FAM171A1: variants seen among roughly 807,000 people sequenced by gnomAD.
The protein encoded by FAM171A1 is protein FAM171A1.
Under a neutral mutation model 74.9 loss-of-function variants are expected in FAM171A1, and 23 were observed. The ratio of observed to expected loss-of-function variants is 0.31; its 90% CI spans 0.22 to 0.44. The LOEUF (loss-of-function observed/expected upper bound fraction) is 0.44, where lower values mean the gene tolerates loss of function less well. Ranked by LOEUF, FAM171A1 falls within the 20% of genes least tolerant of loss-of-function variation. FAM171A1 has a pLI of 1.00. For synonymous variants in FAM171A1, 527 were observed against 505.7 expected (o/e 1.04, Z -0.57); for missense variants, 1,162 against 1,159.2 (o/e 1.00, Z -0.03).
chr10:15,305,664 TAAAAAAAAAAAAAA>T (rs59843893), intron 1 of FAM171A1, among the ~76,000 whole-genome samples: 1 of 52,940 alleles, frequency 1.9e-5, no homozygotes, highest in Non-Finnish European at 3.2e-5. Flanking sequence ...GAGATCTGGC[TAAAAAAAAAAAAAA>T]AAAAAAAAAA....
chr10:15,369,432 G>A (rs2131897172), intron 1 of FAM171A1, among the ~76,000 whole-genome samples: 1 of 152,170 alleles, frequency 6.6e-6, no homozygotes, highest in Admixed American at 6.5e-5. Flanking sequence ...ATGCAACACT[G>A]ATGATCTAAT....
chr10:15,307,462 T>C (rs1219023194), intron 1 of FAM171A1, among the ~76,000 whole-genome samples: 1 of 151,748 alleles, frequency 6.6e-6, no homozygotes, highest in Non-Finnish European at 1.5e-5. Flanking sequence ...CTGGCCAACA[T>C]GGTGAAACAT....
intron 3 of FAM171A1, among the ~76,000 whole-genome samples, chr10:15,260,771 G>A (rs1213411839): frequency 3.3e-5 from 5 of 151,998 alleles, no homozygotes; most frequent in Non-Finnish European, 7.4e-5. Context: ...CTTTGTTTGG[G>A]GGTGTCCCAT....
chr10:15,293,034 G>C (rs1010341454), intron 1 of FAM171A1, among the ~76,000 whole-genome samples: 1 of 152,104 alleles, frequency 6.6e-6, no homozygotes, highest in Non-Finnish European at 1.5e-5. Flanking sequence ...GCGTGACATT[G>C]ATTAATTATA....
At chr10:15,231,711 A>G (rs1834208869) in intron 5 of FAM171A1, among the ~76,000 whole-genome samples, 1 of 152,096 alleles carries the variant, frequency 6.6e-6, no homozygotes, top group Non-Finnish European at 1.5e-5. Context: ...TGCTTGAAGC[A>G]ACTTCTGAAA....
intron 5 of FAM171A1, among the ~76,000 whole-genome samples, chr10:15,242,145 T>C (rs958985851): frequency 2.6e-5 from 4 of 152,220 alleles, no homozygotes; most frequent in African/African-American, 9.6e-5. Flanking sequence ...TATTAAATTG[T>C]TTTATGTGCT....
chr10:15,234,088 C>T (rs1834248334), intron 5 of FAM171A1, among the ~76,000 whole-genome samples: 1 of 151,898 alleles, frequency 6.6e-6, no homozygotes, highest in Admixed American at 6.6e-5. Context: ...CGGGCCCTCT[C>T]CTAACATTTA....
At chr10:15,292,054 G>T (rs1370957529) in intron 1 of FAM171A1, among the ~76,000 whole-genome samples, 1 of 152,202 alleles carries the variant, frequency 6.6e-6, no homozygotes, top group Admixed American at 6.5e-5. Context: ...TAGCTGGTTA[G>T]TCCAAGGTTA....
rs1323131094 is a variant in FAM171A1, at chr10:15,211,875, T to C, written c.*1040A>G. 6.6e-6 allele frequency: 1 copy of C among 152,424 alleles called. No individual in the cohort carries two copies. The highest frequency in any genetic ancestry group is 2.4e-5 in the African/African-American group (1 of 41,356). 9.4% of individuals were successfully genotyped at this position (152,424 alleles called of 1,614,324 possible). On this transcript the variant is annotated 3_prime_UTR_variant, in exon 8 of 8. Coordinates refer to ENST00000378116, the MANE Select transcript of FAM171A1 (RefSeq NM_001010924.2). ...ATTCCAGAGTTAATACGTAACCGTA[T>C]ATACAAACAGCCAAAAAACCATAAT...
chr10:15,343,851 C>A (rs1334296106), intron 1 of FAM171A1, among the ~76,000 whole-genome samples: 1 of 152,182 alleles, frequency 6.6e-6, no homozygotes, highest in Admixed American at 6.5e-5. Context: ...GATAATGTCC[C>A]AGGCTTGGGC....
intron 5 of FAM171A1, among the ~76,000 whole-genome samples, chr10:15,223,428 C>G (rs1329017185): frequency 6.6e-6 from 1 of 152,206 alleles, no homozygotes; most frequent in African/African-American, 2.4e-5. Flanking sequence ...TGTTGAGTCA[C>G]TGCTTGTCAA....
intron 1 of FAM171A1, among the ~76,000 whole-genome samples, chr10:15,296,364 TATATC>T (rs1835161059): frequency 6.6e-6 from 1 of 152,162 alleles, no homozygotes; most frequent in African/African-American, 2.4e-5. Flanking sequence ...TATCTCATAA[TATATC>T]ATATACTTTA....
At chr10:15,244,488 T>C (rs758732673) in intron 5 of FAM171A1, among the ~76,000 whole-genome samples, 1 of 152,192 alleles carries the variant, frequency 6.6e-6, no homozygotes, top group Non-Finnish European at 1.5e-5. Context: ...CATTGCACTC[T>C]AGCCTGGGTG....
rs113438723 is a variant in FAM171A1 at position 15,249,014 on chromosome 10, C to G, written c.578-199G>C. Among the ~76,000 whole-genome samples, 1,096 of 151,990 alleles carry G rather than the reference C, an allele frequency of 7.2e-3. 10 individuals are homozygous for G. The highest frequency in any genetic ancestry group is 0.025 in the African/African-American group (1,048 of 41,474). On this transcript the variant is annotated intron_variant, in intron 4 of 7. Transcript: ENST00000378116. ...ATTTTTACACACAAAGAAACAGGCT[C>G]AGAGAGAGTAGTAATGGTAGGTGGC...
At chr10:15,326,543 AC>A in intron 1 of FAM171A1, among the ~76,000 whole-genome samples, 1 of 151,708 alleles carries the variant, frequency 6.6e-6, no homozygotes, top group South Asian at 2.1e-4. Context: ...CGAACTCCTG[AC>A]CTCAGGTGAT....
intron 1 of FAM171A1, among the ~76,000 whole-genome samples, chr10:15,319,723 C>T (rs369246643): frequency 6.6e-6 from 1 of 152,060 alleles, no homozygotes; most frequent in African/African-American, 2.4e-5. Context: ...ATGAGCCACC[C>T]CGCCTGGTCT....
intron 4 of FAM171A1, among the ~76,000 whole-genome samples, chr10:15,254,168 G>A (rs1834544750): frequency 6.6e-6 from 1 of 152,212 alleles, no homozygotes; most frequent in Non-Finnish European, 1.5e-5. Flanking sequence ...AGATGGCAGA[G>A]GGCGGAGGCT....
Position 15,370,977 on chromosome 10 carries a change from C to T in FAM171A1, c.76G>A (p.Glu26Lys), listed in dbSNP as rs1264049602. The change falls in exon 1 of 8, where the codon GAG becomes AAG. Residue 26 changes from glutamate to lysine, a missense_variant. Transcript: ENST00000378116. ...TGACCTTGGGCTCCGGCGCCGGGCT[C>T]CCGCAGCGTCTTGGTCACCGCCTTC... is the stretch of plus-strand genomic sequence containing the variant. ...VWKAVTKTLR[E>K]PGAGAQEVTL... 6 of 1,185,314 alleles carry T rather than the reference C, an allele frequency of 5.1e-6. No homozygotes were observed. Among genetic ancestry groups the T allele is most frequent in the Admixed American group, 3.0e-5 (1 of 33,324 alleles). 73.4% of individuals were successfully genotyped at this position (1,185,314 alleles called of 1,614,324 possible).
chr10:15,334,564 C>T (rs959661675), intron 1 of FAM171A1, among the ~76,000 whole-genome samples: 2 of 152,206 alleles, frequency 1.3e-5, no homozygotes, highest in African/African-American at 4.8e-5. Flanking sequence ...CAATCCTCAA[C>T]ATGGGTTTCC....
Sources: allele counts gnomAD v4.1 joint callset (sites outside exome capture counted in the v4.1 genomes callset), GRCh38; gene constraint gnomAD v4.1.1; transcripts MANE v1.5; gene names NCBI Gene and HGNC (gene_info 2026-07-23, HGNC 2026-07-21).